Variants in RBL1 observed in about 807,000 individuals in gnomAD.
RBL1 encodes RB transcriptional corepressor like 1, also known as retinoblastoma-like protein 1.
In RBL1, 82 loss-of-function variants were observed where a neutral mutation model predicts 123.0. The observed-to-expected ratio is 0.67, with a 90% CI of 0.56 to 0.80. The LOEUF (loss-of-function observed/expected upper bound fraction) is 0.80, where lower values mean the gene tolerates loss of function less well. Ranked by LOEUF, RBL1 falls within the 30% of genes least tolerant of loss-of-function variation. The pLI, the probability that RBL1 is intolerant of heterozygous loss-of-function variation, is 0.00. For missense variants in RBL1, 1,171 were observed against 1,299.6 expected (o/e 0.90, Z 1.52); for synonymous variants, 405 against 441.3 (o/e 0.92, Z 1.03).
intron 11 of RBL1, among the ~76,000 whole-genome samples, chr20:37,051,629 A>T (rs761262750): frequency 2.6e-5 from 4 of 152,200 alleles, no homozygotes; most frequent in Non-Finnish European, 5.9e-5. Context: ...GGCTATACAA[A>T]ACATCTATAC....
At chr20:37,041,933 C>A (rs112561728) in intron 13 of RBL1, among the ~76,000 whole-genome samples, 1,876 of 151,716 alleles carry the variant, frequency 0.012, 45 homozygotes, top group African/African-American at 0.043. Context: ...ATTAGCTGGG[C>A]GTGGTGGTGG....
At chr20:37,061,883 G>A (rs2065100950) in intron 8 of RBL1, among the ~76,000 whole-genome samples, 1 of 152,122 alleles carries the variant, frequency 6.6e-6, no homozygotes, top group South Asian at 2.1e-4. Flanking sequence ...CTGGGAAAAT[G>A]GATATAAAAT....
chr20:37,081,456 C>T (rs1048652598), intron 2 of RBL1, among the ~76,000 whole-genome samples: 1 of 152,086 alleles, frequency 6.6e-6, no homozygotes, highest in Non-Finnish European at 1.5e-5. Flanking sequence ...ACCTGGGCAA[C>T]AAAGCCAGAC....
chr20:37,008,903 T>G (rs1179523810), intron 19 of RBL1, among the ~76,000 whole-genome samples: 1 of 152,174 alleles, frequency 6.6e-6, no homozygotes, highest in Non-Finnish European at 1.5e-5. Context: ...TATTGGAAAT[T>G]CAGAAATTCA....
rs544552796 is a variant in RBL1, at chr20:37,048,849, A to G, written c.1468-1659T>C. On this transcript the variant is annotated intron_variant, in intron 11 of 21. Transcript: ENST00000373664. The stretch of plus-strand genomic sequence containing the variant: ...GAAACTGGGGCAGGAGGATCACTTG[A>G]ACCTAGGAGTTTTGACACTAGCCTG... Among the ~76,000 whole-genome samples, 6 of 151,540 alleles carry G rather than the reference A, an allele frequency of 4.0e-5. No homozygotes were observed. In the Admixed American group the frequency reaches 4.0e-4, roughly 10 times the overall value.
At chr20:36,999,824 C>T (rs1282971867) in intron 21 of RBL1, among the ~76,000 whole-genome samples, 2 of 152,214 alleles carry the variant, frequency 1.3e-5, no homozygotes, top group African/African-American at 4.8e-5. Context: ...AGTGCAGTGG[C>T]GTGATCTCGG....
intron 11 of RBL1, among the ~76,000 whole-genome samples, chr20:37,048,373 A>C (rs1949916363): frequency 1.3e-5 from 2 of 152,152 alleles, no homozygotes; most frequent in South Asian, 4.1e-4. Flanking sequence ...GAGAAATTGA[A>C]CTGGAGACTC....
chr20:37,002,295 G>A (rs2063997711), intron 21 of RBL1, among the ~76,000 whole-genome samples: 1 of 144,714 alleles, frequency 6.9e-6, no homozygotes, highest in Non-Finnish European at 1.5e-5. Context: ...CTCCCAAAAT[G>A]CTAGAATTAC....
chr20:37,073,106 C>T lies in RBL1; in HGVS notation c.291-4920G>A, dbSNP rs1466551074. On this transcript the variant is annotated intron_variant, in intron 2 of 21. Coordinates refer to ENST00000373664, the MANE Select transcript of RBL1 (RefSeq NM_002895.5). ...AAGTAGCTGGGACCACAGGTATGTG[C>T]CCCCACACCCAGCTAATTTTAAAAT... Among the ~76,000 whole-genome samples, 5 of 152,046 alleles carry T rather than the reference C, an allele frequency of 3.3e-5. No homozygotes were observed. The South Asian group carries it at 6.2e-4, about 19-fold the overall frequency.
intron 2 of RBL1, among the ~76,000 whole-genome samples, chr20:37,085,194 C>T (rs866476930): frequency 1.5e-4 from 22 of 149,520 alleles, no homozygotes; most frequent in Middle Eastern, 6.9e-3. Flanking sequence ...TACAATGGCA[C>T]GATCTCTGCT....
intron 11 of RBL1, among the ~76,000 whole-genome samples, chr20:37,048,353 T>G (rs568412935): frequency 4.6e-5 from 7 of 152,232 alleles, no homozygotes; most frequent in Admixed American, 1.3e-4. Flanking sequence ...ATCTACAGGA[T>G]TATTCTCTAG....
intron 9 of RBL1, among the ~76,000 whole-genome samples, chr20:37,059,911 G>A (rs1217485967): frequency 6.6e-6 from 1 of 151,852 alleles, no homozygotes; most frequent in South Asian, 2.1e-4. Flanking sequence ...GGTGGCTCAC[G>A]TCTGTAATCC....
intron 14 of RBL1, 59 bp from the exon 15 acceptor site, chr20:37,035,567 A>T: frequency 7.4e-7 from 1 of 1,358,900 alleles, no homozygotes; most frequent in Middle Eastern, 2.5e-4. Flanking sequence ...AATTAGGTTT[A>T]CTCATTCACT....
At chr20:37,046,632 A>AATT (rs1397194099) in intron 12 of RBL1, among the ~76,000 whole-genome samples, 1 of 148,816 alleles carries the variant, frequency 6.7e-6, no homozygotes, top group Non-Finnish European at 1.5e-5. Context: ...TTTGAGACAG[A>AATT]ATTTTGCTCC....
At chr20:37,094,681 G>A (rs1022574801) in intron 1 of RBL1, among the ~76,000 whole-genome samples, 1 of 152,204 alleles carries the variant, frequency 6.6e-6, no homozygotes, top group Non-Finnish European at 1.5e-5. Context: ...CTGTCACCCA[G>A]GCTGGAGTGC....
chr20:37,038,544 C>T (rs1221817460), intron 14 of RBL1, among the ~76,000 whole-genome samples: 5 of 150,330 alleles, frequency 3.3e-5, no homozygotes, highest in African/African-American at 1.2e-4. Flanking sequence ...CATGATTGAC[C>T]TGCCTCAGCC....
chr20:37,071,946 T>C (rs563744779), intron 2 of RBL1, among the ~76,000 whole-genome samples: 1 of 152,246 alleles, frequency 6.6e-6, no homozygotes, highest in African/African-American at 2.4e-5. Context: ...TGCAGAACCC[T>C]GGGCCAAATA....
chr20:37,077,077 C>T (rs2065376036), intron 2 of RBL1, among the ~76,000 whole-genome samples: 1 of 151,968 alleles, frequency 6.6e-6, no homozygotes, highest in African/African-American at 2.4e-5. Context: ...GCTGGGACTA[C>T]AGGCGCCTGC....
chr20:37,025,331 G>T (rs1827410351), intron 16 of RBL1, among the ~76,000 whole-genome samples: 1 of 152,030 alleles, frequency 6.6e-6, no homozygotes, highest in African/African-American at 2.4e-5. Flanking sequence ...ACCATCCTAA[G>T]CAACATAGCG....
Sources: allele counts gnomAD v4.1 joint callset (sites outside exome capture counted in the v4.1 genomes callset), GRCh38; gene constraint gnomAD v4.1.1; transcripts MANE v1.5; gene names NCBI Gene and HGNC (gene_info 2026-07-23, HGNC 2026-07-21).